Variants in PLA2G4E observed in about 807,000 individuals in gnomAD.
PLA2G4E encodes the protein cytosolic phospholipase A2 epsilon.
Under a neutral mutation model 109.1 loss-of-function variants are expected in PLA2G4E, and 84 were observed. The ratio of observed to expected loss-of-function variants is 0.77; its 90% confidence interval spans 0.65 to 0.92. PLA2G4E has a LOEUF of 0.92. Ranked by LOEUF, PLA2G4E falls within the 40% of genes least tolerant of loss-of-function variation. The pLI is 0.00. For missense variants in PLA2G4E, 1,057 were observed against 1,076.6 expected (o/e 0.98, Z 0.25); for synonymous variants, 469 against 436.1 (o/e 1.08, Z -0.94).
chr15:41,987,345 T>C (rs1302600935), exon 17 of PLA2G4E: 2 of 1,613,770 alleles, frequency 1.2e-6, no homozygotes, highest in East Asian at 4.5e-5. Context: ...AGCATCACAT[T>C]TGGGGATTTC....
intron 1 of PLA2G4E, among the ~76,000 whole-genome samples, chr15:42,045,890 G>A (rs537233351): frequency 1.3e-5 from 2 of 152,230 alleles, no homozygotes; most frequent in African/African-American, 2.4e-5. Flanking sequence ...TCTCTGCTTA[G>A]ATGTGAATCT....
chr15:42,004,809 G>T, intron 5 of PLA2G4E, 129 bp downstream of exon 5: 1 of 985,386 alleles, frequency 1.0e-6, no homozygotes, highest in African/African-American at 1.6e-5. Flanking sequence ...AAGAGTCAGG[G>T]TTAGTGCCAG....
intron 1 of PLA2G4E, among the ~76,000 whole-genome samples, chr15:42,048,558 G>A (rs769950944): frequency 2.6e-5 from 4 of 152,222 alleles, no homozygotes; most frequent in African/African-American, 4.8e-5. Flanking sequence ...AGGGGGCCAT[G>A]GGTACAGCCT....
In PLA2G4E at chr15:42,023,790, C is replaced by A. The variant is rs544316621; in HGVS notation, c.184-10033G>T. On this transcript the variant is annotated intron_variant, in intron 1 of 19. Coordinates refer to ENST00000399518, the Ensembl canonical transcript of PLA2G4E. ...GCCCAGCCACAAACCCCCACTCCAACTCGTATGTTTCCTCACTGTCTATCA... is the reference window on the plus strand; with the variant it reads ...GCCCAGCCACAAACCCCCACTCCAAATCGTATGTTTCCTCACTGTCTATCA... 2.6e-5 allele frequency among the ~76,000 whole-genome samples: 4 copies of A among 152,296 alleles called. No individual in the cohort carries two copies. In the South Asian group the frequency reaches 8.3e-4, roughly 32 times the overall value.
At chr15:42,013,654 A>AGAT in intron 2 of PLA2G4E, 31 bp downstream of exon 2, 1 of 1,533,088 alleles carries the variant, frequency 6.5e-7, no homozygotes, top group Non-Finnish European at 8.8e-7. Flanking sequence ...TCCGGTAAGC[A>AGAT]GAGAAGGAGA....
chr15:42,035,993 TG>T (rs1889205867), intron 1 of PLA2G4E, among the ~76,000 whole-genome samples: 1 of 123,560 alleles, frequency 8.1e-6, no homozygotes, highest in African/African-American at 3.8e-5. Flanking sequence ...GCTATAAACA[TG>T]TTTTTTTTCT....
At chr15:42,048,570 A>G (rs961659144) in intron 1 of PLA2G4E, among the ~76,000 whole-genome samples, 3 of 152,346 alleles carry the variant, frequency 2.0e-5, no homozygotes, top group Middle Eastern at 3.4e-3. Context: ...GTACAGCCTC[A>G]TATGTGCACT....
At chr15:41,999,473 A>T in intron 10 of PLA2G4E, 51 bp downstream of exon 10, 1 of 1,347,752 alleles carries the variant, frequency 7.4e-7, no homozygotes. Flanking sequence ...ACCACTGCAC[A>T]CCCACTGCTA....
chr15:41,985,784 G>C, intron 18 of PLA2G4E, 55 bp downstream of exon 18: 1 of 1,552,564 alleles, frequency 6.4e-7, no homozygotes. Flanking sequence ...CTGACTGCGG[G>C]GCCCATCTTA....
At chr15:41,992,881 A>T in exon 13 of PLA2G4E, 1 of 1,613,968 alleles carries the variant, frequency 6.2e-7, no homozygotes, top group Admixed American at 1.7e-5. Context: ...CCTTTACCAC[A>T]TGTCTCCGAG....
chr15:41,984,454 G>T, exon 19 of PLA2G4E: 1 of 1,613,230 alleles, frequency 6.2e-7, no homozygotes, highest in Admixed American at 1.7e-5. Context: ...TTGTATTTTC[G>T]GAAAGTGTCA....
intron 2 of PLA2G4E, chr15:42,009,216 C>T (rs2068507434): frequency 6.6e-6 from 1 of 152,208 alleles, no homozygotes; most frequent in Non-Finnish European, 1.5e-5. Context: ...CCTCATCAAC[C>T]TACTCTTCCC....
intron 17 of PLA2G4E, among the ~76,000 whole-genome samples, chr15:41,986,349 C>T (rs1324632191): frequency 6.6e-6 from 1 of 152,148 alleles, no homozygotes; most frequent in Non-Finnish European, 1.5e-5. Context: ...CAGGCCACGG[C>T]CAATTAAAAT....
At chr15:41,983,730 A>T in exon 20 of PLA2G4E, 4 of 1,550,268 alleles carry the variant, frequency 2.6e-6, no homozygotes, top group Non-Finnish European at 3.5e-6. Context: ...AAGCTGACAC[A>T]GAACAGGGGA....
intron 1 of PLA2G4E, among the ~76,000 whole-genome samples, chr15:42,025,160 C>T (rs890621811): frequency 1.7e-4 from 25 of 147,326 alleles, no homozygotes; most frequent in African/African-American, 6.1e-4. Context: ...TGCACCACTG[C>T]ACTCCAGCCT....
intron 1 of PLA2G4E, among the ~76,000 whole-genome samples, chr15:42,046,297 G>A (rs1216305958): frequency 6.6e-6 from 1 of 152,188 alleles, no homozygotes; most frequent in Non-Finnish European, 1.5e-5. Flanking sequence ...CCTGTCTTTT[G>A]GAACAAAATC....
chr15:42,000,288 A>G lies in PLA2G4E; in HGVS notation c.674-6T>C, dbSNP rs2141041898. ...CATCACCAGGAGGTCCTTCACTGGG[A>G]GAGAGGACAAGAGGGTGAGACCCTG... On this transcript the variant is annotated splice_region_variant and splice_polypyrimidine_tract_variant and intron_variant, in intron 7 of 19. Coordinates refer to ENST00000399518, the Ensembl canonical transcript of PLA2G4E. 6.4e-7 allele frequency: 1 copy of G among 1,557,934 alleles called. No homozygotes were observed. The highest frequency in any genetic ancestry group is 2.4e-5 in the East Asian group (1 of 41,730).
rs780884588 is a variant in PLA2G4E at position 42,000,095 on chromosome 15, G to A, written c.852+9C>T. 9 of 1,579,922 alleles carry A rather than the reference G, an allele frequency of 5.7e-6. No individual in the cohort carries two copies. Among genetic ancestry groups the A allele is most frequent in the Non-Finnish European group, 6.9e-6 (8 of 1,162,874 alleles). The stretch of plus-strand genomic sequence containing the variant: ...CCCCACACCTCCCCCAGTGTCAGCC[G>A]CCTTGTACCCCACAGCTCCAGTGAC... On this transcript the variant is annotated intron_variant, in intron 8 of 19. Coordinates refer to ENST00000399518, the Ensembl canonical transcript of PLA2G4E.
At position 42,010,142 on chromosome 15, in the gene PLA2G4E, C is replaced by CGCCCCCG. The variant is rs1555387035; in HGVS notation, c.257-2278_257-2277insCGGGGGC. On this transcript the variant is annotated intron_variant, in intron 2 of 19. Coordinates refer to ENST00000399518, the Ensembl canonical transcript of PLA2G4E. Reference sequence around the variant, plus strand: ...TTTTCCAGAACACTGGCCCCCCCACCCCGGGCCTGGACCACACCCTTCAGG... The same window carrying CGCCCCCG: ...TTTTCCAGAACACTGGCCCCCCCACCGCCCCCGCCGGGCCTGGACCACACCCTTCAGG... 4.8e-5 allele frequency: 22 copies of CGCCCCCG among 459,744 alleles called. 2 individuals are homozygous for CGCCCCCG. The highest frequency in any genetic ancestry group is 7.9e-5 in the Non-Finnish European group (18 of 228,334). The allele number at this position is 459,744 out of a possible 1,614,324, so 28.5% of individuals were successfully genotyped here.
Sources: allele counts gnomAD v4.1 joint callset (sites outside exome capture counted in the v4.1 genomes callset), GRCh38; gene constraint gnomAD v4.1.1; transcripts MANE v1.5; gene names NCBI Gene and HGNC (gene_info 2026-07-23, HGNC 2026-07-21).